The following HEY2 variants were observed in gnomAD, a reference collection of about 807,000 sequenced individuals.
The protein encoded by HEY2 is hes related family bHLH transcription factor with YRPW motif 2.
HEY2 carries 10 observed loss-of-function variants against 18.1 expected under a neutral mutation model. The observed-to-expected ratio is 0.55, with a 90% CI of 0.34 to 0.94. HEY2 has a LOEUF of 0.94. HEY2 is among the 40% of genes least tolerant of loss of function. HEY2 has a pLI of 0.02. For synonymous variants in HEY2, 210 were observed against 182.7 expected (o/e 1.15, Z -1.21); for missense variants, 455 against 455.9 (o/e 1.00, Z 0.02).
At chr6:125,752,166 C>A in intron 3 of HEY2, 76 bp downstream of exon 3, 1 of 750,684 alleles carries the variant, frequency 1.3e-6, no homozygotes, top group Non-Finnish European at 2.2e-6. Flanking sequence ...CAATCTGATT[C>A]GCTCATCTGG....
intron 4 of HEY2, among the ~76,000 whole-genome samples, chr6:125,756,436 G>C (rs916273662): frequency 6.6e-6 from 1 of 152,134 alleles, no homozygotes; most frequent in Non-Finnish European, 1.5e-5. Flanking sequence ...GCATGGTGGT[G>C]CATGCCTGTA....
intron 1 of HEY2, among the ~76,000 whole-genome samples, chr6:125,750,743 G>C (rs540209640): frequency 2.0e-5 from 3 of 152,134 alleles, no homozygotes; most frequent in African/African-American, 7.2e-5. Flanking sequence ...TTGTTGTGCC[G>C]TCTTTAAAAA....
intron 4 of HEY2, among the ~76,000 whole-genome samples, chr6:125,756,714 T>C (rs765624650): frequency 6.6e-6 from 1 of 152,256 alleles, no homozygotes; most frequent in African/African-American, 2.4e-5. Flanking sequence ...TGCCACTGAT[T>C]AGCTCTGTGA....
At position 125,759,688 on chromosome 6, in the gene HEY2, C is replaced by A; in HGVS notation, c.900C>A (p.Ala300=). ...ACGCAGCAGCAGCAGTGGCCGCGGC[C>A]ACAGCCATCAGCCCGCCCTTGTCAG... ...PPNAAAAVAA[A]TAISPPLSVS... is the part of the protein sequence containing the mutation. Residue 300 remains alanine (A), a synonymous_variant, in exon 5 of 5, where the codon GCC becomes GCA. Transcript: ENST00000368364. 6.2e-7 allele frequency: 1 copy of A among 1,612,884 alleles called. No homozygotes were observed. Among genetic ancestry groups the A allele is most frequent in the Non-Finnish European group, 8.5e-7 (1 of 1,180,028 alleles).
intron 3 of HEY2, among the ~76,000 whole-genome samples, chr6:125,754,224 G>C (rs1420954047): frequency 1.3e-5 from 2 of 152,118 alleles, no homozygotes; most frequent in Non-Finnish European, 2.9e-5. Context: ...ATTTAAAAAA[G>C]TCATTCTAGT....
At position 125,749,688 on chromosome 6, in the gene HEY2, G is replaced by A; in HGVS notation, c.-89G>A. ...GCCGGAGCCGCGCCTGCCCAGGCCC[G>A]GGGAGGGAGGAGGCGGGCGTCAGGG... On this transcript the variant is annotated 5_prime_UTR_variant, in exon 1 of 5. Coordinates refer to ENST00000368364, the MANE Select transcript of HEY2 (RefSeq NM_012259.3). The A allele has an allele frequency of 2.1e-6, 2 of 940,616 alleles. No individual in the cohort carries two copies. The highest frequency in any genetic ancestry group is 6.0e-5 in the East Asian group (2 of 33,494). 58.3% of individuals were successfully genotyped at this position (940,616 alleles called of 1,614,324 possible).
chr6:125,755,393 C>T (rs1583189582), intron 4 of HEY2, among the ~76,000 whole-genome samples: 1 of 152,152 alleles, frequency 6.6e-6, no homozygotes, highest in Non-Finnish European at 1.5e-5. Flanking sequence ...TGATATTCAC[C>T]TTAGCCAAGG....
At chr6:125,754,815 G>T (rs1773624177) in intron 4 of HEY2, among the ~76,000 whole-genome samples, 1 of 152,186 alleles carries the variant, frequency 6.6e-6, no homozygotes, top group Non-Finnish European at 1.5e-5. Context: ...CAGCAGCCTG[G>T]TCAGAGATTT....
Position 125,754,534 on chromosome 6 carries a change from A to G in HEY2, c.316A>G (p.Thr106Ala), listed in dbSNP as rs1276406722. 34 of 1,597,362 alleles carry G rather than the reference A, an allele frequency of 2.1e-5. No individual in the cohort carries two copies. The highest frequency in any genetic ancestry group is 2.9e-5 in the Non-Finnish European group (34 of 1,171,116). ...GGATCATTTGAAGATGCTTCAGGCA[A>G]CAGGGGGTAAAGGTAAGTAGATGAC... is the stretch of plus-strand genomic sequence containing the variant. Reference protein sequence around the residue: ...TVDHLKMLQATGGKGYFDAHA... With the variant: ...TVDHLKMLQAAGGKGYFDAHA... The change falls in exon 4 of 5, where the codon ACA becomes GCA. Residue 106 changes from threonine (T) to alanine (A), a missense_variant. Thr to Ala is a moderately conservative substitution (Grantham distance 58). Coordinates refer to ENST00000368364, the MANE Select transcript of HEY2 (RefSeq NM_012259.3).
At chr6:125,749,905 G>T in intron 1 of HEY2, 46 bp downstream of exon 1, 1 of 1,471,780 alleles carries the variant, frequency 6.8e-7, no homozygotes, top group Non-Finnish European at 9.3e-7. Context: ...GGGAGCTTGG[G>T]GTAGCTTTGT....
intron 4 of HEY2, among the ~76,000 whole-genome samples, chr6:125,755,404 G>A (rs1773634982): frequency 6.6e-6 from 1 of 152,144 alleles, no homozygotes; most frequent in African/African-American, 2.4e-5. Context: ...TTAGCCAAGG[G>A]TGTTATTCAG....
At chr6:125,758,075 G>A (rs548616658) in intron 4 of HEY2, among the ~76,000 whole-genome samples, 78 of 152,282 alleles carry the variant, frequency 5.1e-4, no homozygotes, top group African/African-American at 1.7e-3. Context: ...AGTTGTAAAT[G>A]AAAAATAATC....
At position 125,759,912 on chromosome 6, in the gene HEY2, G is replaced by A. The variant is rs1313087888; in HGVS notation, c.*110G>A. ...TACAGATGCCGACAGATCCACAAAGGAACAATAAAGCTATTTGAGACACAA... is the reference window on the plus strand; with the variant it reads ...TACAGATGCCGACAGATCCACAAAGAAACAATAAAGCTATTTGAGACACAA... On this transcript the variant is annotated 3_prime_UTR_variant, in exon 5 of 5. Coordinates refer to ENST00000368364, the MANE Select transcript of HEY2 (RefSeq NM_012259.3). 2.4e-6 allele frequency: 2 copies of A among 821,170 alleles called. No homozygotes were observed. Among genetic ancestry groups the A allele is most frequent in the East Asian group, 2.6e-5 (1 of 37,932 alleles). The allele number at this position is 821,170 out of a possible 1,614,324, so 50.9% of individuals were successfully genotyped here. A position where few individuals can be genotyped will look rare whatever the true frequency, so the allele number is the denominator to read the frequency against.
Position 125,755,759 on chromosome 6 carries a change from A to C in HEY2, c.328+1213A>C, listed in dbSNP as rs1245182457. Among the ~76,000 whole-genome samples, 4 of 152,200 alleles carry C rather than the reference A, an allele frequency of 2.6e-5. No homozygotes were observed. The East Asian group carries it at 7.7e-4, about 29-fold the overall frequency. On this transcript the variant is annotated intron_variant, in intron 4 of 4. Transcript: ENST00000368364. Reference sequence around the variant, plus strand: ...ATCCTGAATGATGGCATGAAATGCAAACATTCTTACATAATAGAAAAGATA... The same window carrying C: ...ATCCTGAATGATGGCATGAAATGCACACATTCTTACATAATAGAAAAGATA...
intron 4 of HEY2, among the ~76,000 whole-genome samples, chr6:125,755,114 C>G (rs545914968): frequency 9.2e-5 from 14 of 152,126 alleles, no homozygotes; most frequent in Middle Eastern, 3.2e-3. Flanking sequence ...GGTAGGAAGT[C>G]TCTACACCAG....
At chr6:125,754,695 A>G (rs961255446) in intron 4 of HEY2, 149 bp downstream of exon 4, 2 of 444,044 alleles carry the variant, frequency 4.5e-6, no homozygotes, top group Non-Finnish European at 8.1e-6. Flanking sequence ...ATGGAAATCA[A>G]TGCTAATGGC....
In HEY2 at chr6:125,759,753, C is replaced by A. The variant is rs138966278; in HGVS notation, c.965C>A (p.Thr322Lys). The A allele has an allele frequency of 9.4e-5, 151 of 1,613,938 alleles. 1 individual carries two copies. In the African/African-American group the frequency reaches 1.8e-3, roughly 20 times the overall value. Residue 322 changes from threonine to lysine, a missense_variant, in exon 5 of 5, where the codon ACA becomes AAA. By Grantham distance (78) the Thr-to-Lys change is moderately conservative. Transcript: ENST00000368364. The part of the protein sequence containing the change: ...TSSPQQTSSG[T>K]NNKPYRPWGT... ...AGTCCTCAGCAGACCAGCAGTGGAACAAACAATAAACCTTACCGACCCTGG... is the reference window on the plus strand; with the variant it reads ...AGTCCTCAGCAGACCAGCAGTGGAAAAAACAATAAACCTTACCGACCCTGG...
chr6:125,751,797 A>G lies in HEY2; in HGVS notation c.84-4A>G, dbSNP rs1217840155. 2 of 1,602,808 alleles carry G rather than the reference A, an allele frequency of 1.2e-6. No individual in the cohort carries two copies. Among genetic ancestry groups the G allele is most frequent in the East Asian group, 2.2e-5 (1 of 44,820 alleles). On this transcript the variant is annotated splice_polypyrimidine_tract_variant and splice_region_variant and intron_variant, in intron 1 of 4. Transcript: ENST00000368364. Reference sequence around the variant, plus strand: ...GCACCTGACATACTCTTCTTATTTCATAGGCAAAGTACTAGCTCTGTGATT... The same window carrying G: ...GCACCTGACATACTCTTCTTATTTCGTAGGCAAAGTACTAGCTCTGTGATT...
At chr6:125,753,050 G>A (rs1773583961) in intron 3 of HEY2, among the ~76,000 whole-genome samples, 3 of 152,090 alleles carry the variant, frequency 2.0e-5, no homozygotes, top group South Asian at 2.1e-4. Context: ...AAAATTAAAC[G>A]CTGACCAAAT....
Sources: gnomAD v4.1 joint callset for allele counts (sites outside exome capture counted in the v4.1 genomes callset) on GRCh38, gnomAD v4.1.1 for gene constraint, MANE v1.5 for transcripts, NCBI Gene and HGNC (gene_info 2026-07-23, HGNC 2026-07-21) for gene names.